Variants in RNF213 observed in about 807,000 individuals in gnomAD.
The protein encoded by RNF213 is E3 ubiquitin-protein ligase RNF213.
RNF213 carries 341 observed loss-of-function variants against 514.4 expected under a neutral mutation model. That is an observed-to-expected ratio of 0.66 (90% CI 0.61 to 0.73). The LOEUF is 0.73. Ranked by LOEUF, RNF213 falls within the 30% of genes least tolerant of loss-of-function variation. RNF213 has a pLI of 0.00. For missense variants in RNF213, 5,767 were observed against 6,615.6 expected (o/e 0.87, Z 4.45); for synonymous variants, 2,655 against 2,658.2 (o/e 1.00, Z 0.04).
At chr17:80,380,483 G>A (rs994426459) in intron 55 of RNF213, among the ~76,000 whole-genome samples, 4 of 152,112 alleles carry the variant, frequency 2.6e-5, no homozygotes, top group Non-Finnish European at 5.9e-5. Context: ...GATGCCGACT[G>A]TCCTCCCAAA....
Position 80,398,621 on chromosome 17 carries a change from G to C in RNF213, c.*5123G>C, listed in dbSNP as rs2080706785. 1 of 93,042 alleles carries C rather than the reference G, an allele frequency of 1.1e-5. No individual in the cohort carries two copies. The highest frequency in any genetic ancestry group is 4.1e-4 in the South Asian group (1 of 2,434). The allele number at this position is 93,042 out of a possible 1,614,324, so 5.8% of individuals were successfully genotyped here. ...GACTCCCCACCCGCCCGCCCCAACA[G>C]TGGTTGAGAGAACAGCAGCATAAGT... On this transcript the variant is annotated 3_prime_UTR_variant, in exon 68 of 68. Transcript: ENST00000582970.
chr17:80,337,953 G>C lies in RNF213; in HGVS notation c.4789G>C (p.Gly1597Arg). The C allele has an allele frequency of 3.9e-6, 6 of 1,537,288 alleles. No homozygotes were observed. Among genetic ancestry groups the C allele is most frequent in the Non-Finnish European group, 5.2e-6 (6 of 1,146,912 alleles). ...ELLNKLMLMSGKKDRNNTEVE... is the reference protein window; with the variant it reads ...ELLNKLMLMSRKKDRNNTEVE... ...TTTGAACAAGTTGATGCTGATGTCT[G>C]GCAAGAAGGATCGTAACAACACGGA... The change falls in exon 25 of 68, where the codon GGC (glycine) becomes CGC (arginine). Residue 1597 changes from glycine (G) to arginine (R), a missense_variant. Physicochemically the swap from Gly to Arg is moderately radical, Grantham distance 125 (BLOSUM62 -2). Coordinates refer to ENST00000582970, the MANE Select transcript of RNF213 (RefSeq NM_001256071.3).
Position 80,382,749 on chromosome 17 carries a change from G to C in RNF213, c.13979-230G>C, listed in dbSNP as rs937175726. 4 of 444,662 alleles carry C rather than the reference G, an allele frequency of 9.0e-6. No homozygotes were observed. In the East Asian group the frequency reaches 1.5e-4, roughly 16 times the overall value. 27.5% of individuals were successfully genotyped at this position (444,662 alleles called of 1,614,324 possible). On this transcript the variant is annotated intron_variant, in intron 57 of 67. Transcript: ENST00000582970. ...GTAATTTTTTTCAAAATGGGTCTAA[G>C]ATTACAATTATGTAGGATAGAGGAA...
chr17:80,381,093 G>A lies in RNF213; in HGVS notation c.13797+106G>A. 3.5e-6 allele frequency: 4 copies of A among 1,130,066 alleles called. No individual in the cohort carries two copies. In the South Asian group the frequency reaches 3.7e-5, roughly 10 times the overall value. 70.0% of individuals were successfully genotyped at this position (1,130,066 alleles called of 1,614,324 possible). A position where few individuals can be genotyped will look rare whatever the true frequency, so the allele number is the denominator to read the frequency against. On this transcript the variant is annotated intron_variant, in intron 56 of 67. Transcript: ENST00000582970. ...TCCTAGCTGCCATCTATGCGTTTTG[G>A]AGATAATTAGTCTACAAAGTAATAT...
chr17:80,359,917 G>A (rs532240745), intron 37 of RNF213, 144 bp from the exon 38 acceptor site: 4 of 775,762 alleles, frequency 5.2e-6, no homozygotes, highest in South Asian at 1.5e-5. Flanking sequence ...CCTGTACTGT[G>A]AAACAGATCA....
At chr17:80,366,331 C>T (rs1202018965) in intron 42 of RNF213, among the ~76,000 whole-genome samples, 3 of 152,300 alleles carry the variant, frequency 2.0e-5, no homozygotes, top group South Asian at 2.1e-4. Flanking sequence ...TTGTTTTCCA[C>T]GGGGGCTGCA....
In RNF213 at chr17:80,390,087, C is replaced by T. The variant is rs2080402227; in HGVS notation, c.15361C>T (p.Leu5121=). The T allele has an allele frequency of 8.1e-6, 13 of 1,614,212 alleles. No homozygotes were observed. Among genetic ancestry groups the T allele is most frequent in the Non-Finnish European group, 1.1e-5 (13 of 1,180,042 alleles). The change falls in exon 67 of 68, where the codon CTA becomes TTA. Residue 5121 remains leucine (L), a synonymous_variant. Transcript: ENST00000582970. The part of the protein sequence containing the change: ...PENAKLLSTF[L]NQTGLDAFLL... ...AAATGCTAAGCTCCTCAGCACATTCCTAAATCAGACTGGCCTAGACGCCTT... is the reference window on the plus strand; with the variant it reads ...AAATGCTAAGCTCCTCAGCACATTCTTAAATCAGACTGGCCTAGACGCCTT...
intron 3 of RNF213, among the ~76,000 whole-genome samples, chr17:80,284,157 G>T (rs2143140294): frequency 6.6e-6 from 1 of 151,426 alleles, no homozygotes; most frequent in South Asian, 2.1e-4. Context: ...GTCAGTTCAA[G>T]ACCAGCCTGG....
rs536070424 is a variant in RNF213 at position 80,391,759 on chromosome 17, C to A, written c.15470+1563C>A. 1.5e-4 allele frequency among the ~76,000 whole-genome samples: 20 copies of A among 132,282 alleles called. 1 individual carries two copies. In the South Asian group the frequency reaches 4.8e-3, roughly 32 times the overall value. 86.8% of individuals were successfully genotyped at this position (132,282 alleles called of 152,430 possible). On this transcript the variant is annotated intron_variant, in intron 67 of 67. Transcript: ENST00000582970. ...TCCTTATCCCAGGATTATAAACTAG[C>A]CTTTTTTTTTTTTTTTTTTTTTTTT...
chr17:80,269,408 T>TATCCATCC (rs200848848), intron 2 of RNF213, among the ~76,000 whole-genome samples: 1 of 150,992 alleles, frequency 6.6e-6, no homozygotes, highest in Non-Finnish European at 1.5e-5. Flanking sequence ...TCCTATCATC[T>TATCCATCC]ATCCATCCAT....
intron 49 of RNF213, 68 bp downstream of exon 49, chr17:80,373,233 AC>A (rs1231647410): frequency 2.5e-6 from 3 of 1,222,628 alleles, no homozygotes; most frequent in African/African-American, 2.6e-5. Context: ...AAACCCACAC[AC>A]CCCCCTACCC....
At position 80,386,548 on chromosome 17, in the gene RNF213, C is replaced by T. The variant is rs988802829; in HGVS notation, c.14720+118C>T. On this transcript the variant is annotated intron_variant, in intron 62 of 67. Coordinates refer to ENST00000582970, the MANE Select transcript of RNF213 (RefSeq NM_001256071.3). ...TAACAGACACTCACTCCTTCAGCCG[C>T]CCCCACCAGTGACCCGCCCCATACT... 2.1e-6 allele frequency: 3 copies of T among 1,403,738 alleles called. No homozygotes were observed. The African/African-American group carries it at 4.2e-5, about 20-fold the overall frequency. The allele number at this position is 1,403,738 out of a possible 1,614,324, so 87.0% of individuals were successfully genotyped here. A position where few individuals can be genotyped will look rare whatever the true frequency, so the allele number is the denominator to read the frequency against.
rs61745927 is a variant in RNF213 at position 80,393,435 on chromosome 17, C to T, written c.15561C>T (p.Leu5187=). ...MASQFPEEIL[L]ASCVSVWKTA... ...CTCAGTTCCCAGAAGAGATACTGCT[C>T]GCCAGCTGTGTCTCAGTGTGGAAAA... The change falls in exon 68 of 68, where the codon CTC becomes CTT. Residue 5187 remains leucine, a synonymous_variant. Coordinates refer to ENST00000582970, the MANE Select transcript of RNF213 (RefSeq NM_001256071.3). 1.1e-3 allele frequency: 1,817 copies of T among 1,614,108 alleles called. 12 individuals carry two copies. The African/African-American group carries it at 0.016, about 14-fold the overall frequency.
chr17:80,320,642 G>A (rs1327040137), intron 17 of RNF213: 1 of 152,122 alleles, frequency 6.6e-6, no homozygotes, highest in East Asian at 1.9e-4. Flanking sequence ...CACCCACCTT[G>A]GCCTCCCGAA....
intron 3 of RNF213, among the ~76,000 whole-genome samples, chr17:80,274,588 G>T (rs1367776098): frequency 2.1e-5 from 1 of 48,312 alleles, no homozygotes; most frequent in Non-Finnish European, 4.4e-5. Context: ...TGTGGTCTGT[G>T]GGGGGTGAGT....
At chr17:80,333,162 T>C (rs1462202237) in intron 21 of RNF213, among the ~76,000 whole-genome samples, 1 of 150,978 alleles carries the variant, frequency 6.6e-6, no homozygotes, top group Non-Finnish European at 1.5e-5. Context: ...CATTCTCCTG[T>C]CTCAGCCTCC....
intron 15 of RNF213, among the ~76,000 whole-genome samples, chr17:80,314,199 GTGGAGGTAA>G (rs1487224981): frequency 2.4e-5 from 3 of 125,904 alleles, no homozygotes; most frequent in East Asian, 2.3e-4. Flanking sequence ...GAAGGTGATG[GTGGAGGTAA>G]TGGAGGTGAT....
intron 26 of RNF213, 104 bp downstream of exon 26, chr17:80,340,460 C>G (rs765683322): frequency 1.2e-4 from 133 of 1,145,626 alleles, no homozygotes; most frequent in Non-Finnish European, 1.6e-4. Flanking sequence ...GAAACCGAGG[C>G]TCAGGGAGGG....
At chr17:80,366,668 TAAAA>T (rs60777731) in intron 42 of RNF213, among the ~76,000 whole-genome samples, 1 of 150,366 alleles carries the variant, frequency 6.7e-6, no homozygotes, top group Non-Finnish European at 1.5e-5. Context: ...TGGCTCAAAA[TAAAA>T]AAAAAAAAAT....
Sources: allele counts gnomAD v4.1 joint callset (sites outside exome capture counted in the v4.1 genomes callset), GRCh38; gene constraint gnomAD v4.1.1; transcripts MANE v1.5; gene names NCBI Gene and HGNC (gene_info 2026-07-23, HGNC 2026-07-21).